The following BICD1 variants were observed in gnomAD, a reference collection of about 807,000 sequenced individuals.
The protein encoded by BICD1 is protein bicaudal D homolog 1.
Under a neutral mutation model 92.5 loss-of-function variants are expected in BICD1, and 35 were observed. That is an observed-to-expected ratio of 0.38 (90% CI 0.29 to 0.50). BICD1 has a LOEUF of 0.50. Ranked by LOEUF, BICD1 falls within the 20% of genes least tolerant of loss-of-function variation. The pLI, the probability that BICD1 is intolerant of heterozygous loss-of-function variation, is 0.93. For missense variants in BICD1, 950 were observed against 1,189.8 expected (o/e 0.80, Z 2.97); for synonymous variants, 429 against 465.1 (o/e 0.92, Z 1.00).
At chr12:32,152,765 T>C (rs563682408) in intron 1 of BICD1, among the ~76,000 whole-genome samples, 2 of 152,322 alleles carry the variant, frequency 1.3e-5, no homozygotes, top group East Asian at 3.9e-4. Context: ...TATTTTCTTT[T>C]TAAGAAATCA....
intron 1 of BICD1, among the ~76,000 whole-genome samples, chr12:32,130,208 A>AT (rs35138376): frequency 0.29 from 42,771 of 147,280 alleles, 6,260 homozygotes; most frequent in Admixed American, 0.43. Context: ...CAGTGACAAA[A>AT]TTTTTTTTTT....
chr12:32,230,045 A>T (rs1207094817), intron 2 of BICD1, among the ~76,000 whole-genome samples: 1 of 152,144 alleles, frequency 6.6e-6, no homozygotes, highest in East Asian at 1.9e-4. Context: ...ATGGGTAGAT[A>T]GATGTGAGTG....
chr12:32,117,108 A>T (rs1941943139), intron 1 of BICD1, among the ~76,000 whole-genome samples: 1 of 152,168 alleles, frequency 6.6e-6, no homozygotes, highest in Admixed American at 6.5e-5. Flanking sequence ...ACTTTCTGAC[A>T]AGTGTAGTTG....
chr12:32,110,063 G>T (rs1198288511), intron 1 of BICD1, among the ~76,000 whole-genome samples: 1 of 152,168 alleles, frequency 6.6e-6, no homozygotes, highest in Non-Finnish European at 1.5e-5. Context: ...CAGTTTATGG[G>T]AATGTCAACA....
chr12:32,278,404 C>T (rs1445135697), intron 2 of BICD1, among the ~76,000 whole-genome samples: 1 of 152,140 alleles, frequency 6.6e-6, no homozygotes. Flanking sequence ...GATAACCAAT[C>T]TACTTTGGGA....
At chr12:32,303,080 G>C (rs540784386) in intron 3 of BICD1, among the ~76,000 whole-genome samples, 2 of 151,576 alleles carry the variant, frequency 1.3e-5, no homozygotes, top group Admixed American at 1.3e-4. Context: ...GACTATAGGT[G>C]CACGCCACCA....
At chr12:32,291,147 G>C (rs990796071) in intron 2 of BICD1, among the ~76,000 whole-genome samples, 7 of 152,154 alleles carry the variant, frequency 4.6e-5, no homozygotes, top group Non-Finnish European at 8.8e-5. Context: ...CTGTACTCAG[G>C]AGTCAAGTCA....
rs772834748 is a variant in BICD1, at chr12:32,107,381, TAGAG to T, written c.53_56del (p.Glu18GlyfsTer2). On this transcript the variant is annotated frameshift_variant, in exon 1 of 10. Coordinates refer to ENST00000652176, the MANE Select transcript of BICD1 (RefSeq NM_001714.4). LOFTEE classifies it high-confidence loss of function. ...ACGGTGGACCATTATAAGACTGAGA[TAGAG>T]AGGCTAACCAAGGAGCTCACGGAGA... 2 of 1,611,098 alleles carry T rather than the reference TAGAG, an allele frequency of 1.2e-6. No homozygotes were observed. The highest frequency in any genetic ancestry group is 1.1e-5 in the South Asian group (1 of 90,150).
intron 2 of BICD1, among the ~76,000 whole-genome samples, chr12:32,257,422 G>A (rs935188576): frequency 2.6e-5 from 4 of 152,088 alleles, no homozygotes; most frequent in South Asian, 2.1e-4. Context: ...AACTTATGTA[G>A]CATTTTATCA....
At position 32,318,970 on chromosome 12, in the gene BICD1, C is replaced by T. The variant is rs533594863; in HGVS notation, c.1006-8491C>T. Among the ~76,000 whole-genome samples, 11 of 152,094 alleles carry T rather than the reference C, an allele frequency of 7.2e-5. 1 individual carries two copies. The highest frequency in any genetic ancestry group is 3.4e-3 in the Middle Eastern group (1 of 294). On this transcript the variant is annotated intron_variant, in intron 4 of 9. Transcript: ENST00000652176. ...AGTATATAGAAATACAACTGATGTT[C>T]GTATATTGATTTTGTATCCTGCCAC... is the stretch of plus-strand genomic sequence containing the variant.
chr12:32,129,772 CT>C (rs1368791384), intron 1 of BICD1, among the ~76,000 whole-genome samples: 1 of 152,116 alleles, frequency 6.6e-6, no homozygotes, highest in African/African-American at 2.4e-5. Flanking sequence ...CCTTCATTAA[CT>C]TTACATTGCA....
chr12:32,162,914 A>G (rs1395019571), intron 1 of BICD1, among the ~76,000 whole-genome samples: 1 of 152,160 alleles, frequency 6.6e-6, no homozygotes, highest in Non-Finnish European at 1.5e-5. Flanking sequence ...TGAGTTTGGG[A>G]GGTGGAGGCT....
At chr12:32,180,908 T>C (rs1027959140) in intron 1 of BICD1, among the ~76,000 whole-genome samples, 8 of 151,988 alleles carry the variant, frequency 5.3e-5, no homozygotes, top group African/African-American at 1.9e-4. Context: ...GTTACTGCTC[T>C]TTCCTATCAT....
chr12:32,109,634 C>G (rs1941613501), intron 1 of BICD1: 1 of 151,574 alleles, frequency 6.6e-6, no homozygotes, highest in African/African-American at 2.4e-5. Flanking sequence ...TTTTCAGTTG[C>G]ATTTAGCATA....
intron 4 of BICD1, among the ~76,000 whole-genome samples, chr12:32,317,227 TG>T (rs1319427560): frequency 9.2e-5 from 14 of 152,200 alleles, no homozygotes; most frequent in African/African-American, 3.4e-4. Flanking sequence ...TACCCAGTAA[TG>T]GGATGGCTGG....
chr12:32,305,917 T>G lies in BICD1; in HGVS notation c.800T>G (p.Val267Gly), dbSNP rs199877174. 145 of 1,614,060 alleles carry G rather than the reference T, an allele frequency of 9.0e-5. No individual in the cohort carries two copies. Among genetic ancestry groups the G allele is most frequent in the Non-Finnish European group, 1.1e-4 (128 of 1,180,034 alleles). Residue 267 changes from valine to glycine, a missense_variant, in exon 4 of 10, where the codon GTA becomes GGA. Val to Gly is a moderately radical substitution (Grantham distance 109, BLOSUM62 -3). Transcript: ENST00000652176. ...SLNDNHISIS[V>G]DGLKFAEDGS... ...AATGATAACCATATCAGCATCTCAG[T>G]AGATGGACTCAAATTTGCCGAGGAT...
At chr12:32,297,628 A>G (rs1947912277) in intron 3 of BICD1, among the ~76,000 whole-genome samples, 1 of 152,230 alleles carries the variant, frequency 6.6e-6, no homozygotes, top group African/African-American at 2.4e-5. Flanking sequence ...AATACGTTGT[A>G]TAGTCCTTCA....
chr12:32,127,366 A>T (rs896801229), intron 1 of BICD1, among the ~76,000 whole-genome samples: 7 of 152,104 alleles, frequency 4.6e-5, no homozygotes, highest in Non-Finnish European at 8.8e-5. Context: ...TTTTCCCATG[A>T]TTCCACCCCA....
At chr12:32,272,367 C>CATA (rs1361914580) in intron 2 of BICD1, among the ~76,000 whole-genome samples, 2 of 152,204 alleles carry the variant, frequency 1.3e-5, no homozygotes, top group African/African-American at 4.8e-5. Context: ...AGCTGTATGT[C>CATA]TACATATAAG....
Sources: allele counts gnomAD v4.1 joint callset (sites outside exome capture counted in the v4.1 genomes callset), GRCh38; gene constraint gnomAD v4.1.1; transcripts MANE v1.5; gene names NCBI Gene and HGNC (gene_info 2026-07-23, HGNC 2026-07-21).